SH3PXD2A: variants seen among roughly 807,000 people sequenced by gnomAD.
The protein encoded by SH3PXD2A is SH3 and PX domain-containing protein 2A.
In SH3PXD2A, 32 loss-of-function variants were observed where a neutral mutation model predicts 115.2. The ratio of observed to expected loss-of-function variants is 0.28; its 90% CI spans 0.21 to 0.37. SH3PXD2A has a LOEUF of 0.37. SH3PXD2A is among the 10% of genes least tolerant of loss of function. SH3PXD2A has a pLI of 1.00. For missense variants in SH3PXD2A, 1,328 were observed against 1,498.7 expected, an observed-to-expected ratio of 0.89 and a Z score of 1.88; for synonymous variants, 610 against 629.1, an observed-to-expected ratio of 0.97 and a Z score of 0.45.
At chr10:103,733,012 G>A (rs933915622) in intron 4 of SH3PXD2A, among the ~76,000 whole-genome samples, 53 of 152,150 alleles carry the variant, frequency 3.5e-4, no homozygotes, top group African/African-American at 1.3e-3. Context: ...TCAGACCACA[G>A]ATCCCAGCTT....
intron 5 of SH3PXD2A, among the ~76,000 whole-genome samples, chr10:103,718,407 A>T (rs1022965774): frequency 6.6e-6 from 1 of 152,198 alleles, no homozygotes; most frequent in Non-Finnish European, 1.5e-5. Flanking sequence ...CAATTCACAC[A>T]GGAGAGACCA....
intron 10 of SH3PXD2A, 58 bp downstream of exon 10, chr10:103,622,412 G>T: frequency 9.0e-7 from 1 of 1,105,772 alleles, no homozygotes. Flanking sequence ...AGAAAGAGCA[G>T]TGTTAGCGAG....
At chr10:103,682,289 C>T (rs975464841) in intron 6 of SH3PXD2A, among the ~76,000 whole-genome samples, 2 of 152,234 alleles carry the variant, frequency 1.3e-5, no homozygotes, top group Non-Finnish European at 2.9e-5. Flanking sequence ...GGGAGCGTGG[C>T]GCAGACACAC....
intron 5 of SH3PXD2A, among the ~76,000 whole-genome samples, chr10:103,702,610 T>TGTGTGTGTGTGTGTGC (rs1490855380): frequency 1.3e-5 from 2 of 151,156 alleles, no homozygotes; most frequent in Non-Finnish European, 3.0e-5. Flanking sequence ...TGTGTGTGTG[T>TGTGTGTGTGTGTGTGC]GTGCATGCTG....
intron 8 of SH3PXD2A, among the ~76,000 whole-genome samples, chr10:103,659,569 G>T (rs1468791471): frequency 2.0e-5 from 3 of 152,130 alleles, no homozygotes; most frequent in Non-Finnish European, 4.4e-5. Context: ...CATGACAAAG[G>T]CTGAGGACAA....
intron 6 of SH3PXD2A, among the ~76,000 whole-genome samples, chr10:103,676,090 A>G (rs953536272): frequency 1.3e-5 from 2 of 152,180 alleles, no homozygotes; most frequent in Non-Finnish European, 2.9e-5. Flanking sequence ...CCCTACAGCA[A>G]GAAGTGATGG....
chr10:103,813,474 G>A (rs1367115901), intron 1 of SH3PXD2A, among the ~76,000 whole-genome samples: 2 of 152,070 alleles, frequency 1.3e-5, no homozygotes, highest in Non-Finnish European at 2.9e-5. Context: ...GTGCCACCAT[G>A]CTTGGATAAT....
intron 1 of SH3PXD2A, among the ~76,000 whole-genome samples, chr10:103,825,787 G>A (rs537220838): frequency 1.5e-5 from 2 of 131,000 alleles, no homozygotes; most frequent in East Asian, 2.2e-4. Context: ...TTTTTGAGAC[G>A]GAGTCTCGCT....
intron 4 of SH3PXD2A, among the ~76,000 whole-genome samples, chr10:103,730,691 T>C (rs961116603): frequency 6.6e-6 from 1 of 152,166 alleles, no homozygotes; most frequent in Non-Finnish European, 1.5e-5. Context: ...GATCTTTCCA[T>C]CTTGTCATCA....
At chr10:103,624,942 T>C (rs931990761) in intron 9 of SH3PXD2A, among the ~76,000 whole-genome samples, 41 of 152,150 alleles carry the variant, frequency 2.7e-4, no homozygotes, top group African/African-American at 9.7e-4. Flanking sequence ...GCCAGGAGAA[T>C]TGGCACACAG....
At chr10:103,849,589 C>A (rs931968612) in intron 1 of SH3PXD2A, among the ~76,000 whole-genome samples, 1 of 152,218 alleles carries the variant, frequency 6.6e-6, no homozygotes, top group Non-Finnish European at 1.5e-5. Flanking sequence ...CACAGCTAGG[C>A]TCCTGACCTT....
intron 8 of SH3PXD2A, among the ~76,000 whole-genome samples, chr10:103,642,655 A>AAAAAG (rs1325048173): frequency 1.7e-4 from 26 of 152,244 alleles, no homozygotes; most frequent in African/African-American, 3.1e-4. Flanking sequence ...TTGTGGGGAG[A>AAAAAG]AAAAGAAAAG....
intron 5 of SH3PXD2A, among the ~76,000 whole-genome samples, chr10:103,712,218 T>C (rs1239056627): frequency 1.3e-5 from 2 of 152,198 alleles, no homozygotes; most frequent in Admixed American, 6.5e-5. Context: ...TTATAGCATG[T>C]AAATTATACC....
chr10:103,664,816 A>G (rs1427862165), intron 7 of SH3PXD2A, among the ~76,000 whole-genome samples: 1 of 151,962 alleles, frequency 6.6e-6, no homozygotes, highest in Non-Finnish European at 1.5e-5. Flanking sequence ...ACAGGTGCCC[A>G]CCACCATACC....
chr10:103,627,196 C>T lies in SH3PXD2A; in HGVS notation c.611G>A (p.Trp204Ter). The T allele has an allele frequency of 6.2e-7, 1 of 1,601,116 alleles. No homozygotes were observed. Among genetic ancestry groups the T allele is most frequent in the Non-Finnish European group, 8.6e-7 (1 of 1,168,370 alleles). ...DVIEKNESGW[W>*]FVSTSEEQGW... ...CTGCTCCTCAGAAGTGCTCACGAAC[C>T]ACCAGCCTGCAGGGAGGACAAGAGA... The change falls in exon 9 of 15, where the codon TGG becomes TAG. Residue 204 changes from tryptophan (W) to a stop codon, truncating the protein, a stop_gained. Coordinates refer to ENST00000369774, the MANE Select transcript of SH3PXD2A (RefSeq NM_001394015.1). LOFTEE classifies it high-confidence loss of function. The surrounding 1 kb of genome is among the most constrained non-coding windows in gnomAD (Gnocchi z 4.4).
At chr10:103,607,467 G>GC (rs1460617384) in intron 13 of SH3PXD2A, among the ~76,000 whole-genome samples, 1 of 151,418 alleles carries the variant, frequency 6.6e-6, no homozygotes, top group Non-Finnish European at 1.5e-5. Flanking sequence ...CTGCCCAGCC[G>GC]CCCCTACTGG....
intron 5 of SH3PXD2A, among the ~76,000 whole-genome samples, chr10:103,699,842 T>C (rs1438375409): frequency 6.6e-6 from 1 of 152,208 alleles, no homozygotes; most frequent in East Asian, 1.9e-4. Context: ...GTTCTGAGAA[T>C]GGACCCCATT....
chr10:103,639,132 C>A lies in SH3PXD2A; in HGVS notation c.605-11930G>T, dbSNP rs148103957. 4.0e-4 allele frequency among the ~76,000 whole-genome samples: 61 copies of A among 152,294 alleles called. No homozygotes were observed. In the East Asian group the frequency reaches 0.011, roughly 28 times the overall value. ...GCTGGGTGCGGCAGGGCGACCCAGA[C>A]AGCCCCATGCAGTGGACATGGCGGT... On this transcript the variant is annotated intron_variant, in intron 8 of 14. Coordinates refer to ENST00000369774, the MANE Select transcript of SH3PXD2A (RefSeq NM_001394015.1).
intron 4 of SH3PXD2A, among the ~76,000 whole-genome samples, chr10:103,726,615 T>C (rs549053271): frequency 1.3e-5 from 2 of 152,304 alleles, no homozygotes; most frequent in South Asian, 4.1e-4. Flanking sequence ...AGTGAAGGTT[T>C]CCATGTCTAT....
Sources: allele counts gnomAD v4.1 joint callset (sites outside exome capture counted in the v4.1 genomes callset), GRCh38; gene constraint gnomAD v4.1.1; non-coding constraint Gnocchi (gnomAD v3.1); transcripts MANE v1.5; gene names NCBI Gene and HGNC (gene_info 2026-07-23, HGNC 2026-07-21).